COMMD10: variants seen among roughly 807,000 people sequenced by gnomAD.
The protein encoded by COMMD10 is COMM domain containing 10.
COMMD10 carries 33 observed loss-of-function variants against 28.9 expected under a neutral mutation model. The ratio of observed to expected loss-of-function variants is 1.14; its 90% CI spans 0.87 to 1.53. The LOEUF (loss-of-function observed/expected upper bound fraction) is 1.53, where lower values mean the gene tolerates loss of function less well. Among genes scored for constraint, COMMD10 ranks in the 40% most tolerant of loss-of-function variants. The pLI, the probability that COMMD10 is intolerant of heterozygous loss-of-function variation, is 0.00. For synonymous variants in COMMD10, 110 were observed against 81.7 expected, an observed-to-expected ratio of 1.35 and a Z score of -1.87; for missense variants, 310 against 233.4, an observed-to-expected ratio of 1.33 and a Z score of -2.14.
chr5:116,249,019 G>T (rs1750038089), intron 5 of COMMD10, among the ~76,000 whole-genome samples: 1 of 151,874 alleles, frequency 6.6e-6, no homozygotes. Context: ...TGTGTTAAAT[G>T]TTAATGATAT....
intron 5 of COMMD10, among the ~76,000 whole-genome samples, chr5:116,232,700 C>G (rs1303188186): frequency 1.3e-5 from 2 of 152,068 alleles, no homozygotes; most frequent in African/African-American, 2.4e-5. Flanking sequence ...AAGACTCCGT[C>G]TCAAAAAATT....
At chr5:116,106,503 C>T (rs988385205) in intron 4 of COMMD10, among the ~76,000 whole-genome samples, 12 of 152,146 alleles carry the variant, frequency 7.9e-5, no homozygotes, top group African/African-American at 2.7e-4. Context: ...ATTAAGTCCA[C>T]TTGGTCCAGA....
intron 5 of COMMD10, among the ~76,000 whole-genome samples, chr5:116,264,511 G>A (rs1032826389): frequency 4.0e-5 from 6 of 151,700 alleles, no homozygotes; most frequent in Non-Finnish European, 2.9e-5. Flanking sequence ...ACAACTCTCA[G>A]TCTCCTCTGT....
chr5:116,256,553 C>T (rs532597030), intron 5 of COMMD10, among the ~76,000 whole-genome samples: 7 of 151,652 alleles, frequency 4.6e-5, no homozygotes, highest in East Asian at 1.9e-4. Flanking sequence ...TTCTCATCTC[C>T]GTCTTTGGCA....
rs889042381 is a variant in COMMD10 at position 116,203,065 on chromosome 5, A to C, written c.510+68887A>C. ...ATCCATCTTGAATTGATTTTTGTAT[A>C]AGGTGTAAGGAAGGGATCCAGTTTC... On this transcript the variant is annotated intron_variant, in intron 5 of 6. Transcript: ENST00000274458. 1.4e-4 allele frequency among the ~76,000 whole-genome samples: 21 copies of C among 152,092 alleles called. 1 individual carries two copies. Among genetic ancestry groups the C allele is most frequent in the Admixed American group, 4.6e-4 (7 of 15,266 alleles).
intron 5 of COMMD10, among the ~76,000 whole-genome samples, chr5:116,143,675 T>C (rs1025295835): frequency 2.6e-5 from 4 of 151,844 alleles, no homozygotes; most frequent in Admixed American, 6.6e-5. Flanking sequence ...ATGAATAATA[T>C]AAATATTTTG....
intron 5 of COMMD10, among the ~76,000 whole-genome samples, chr5:116,210,598 A>G (rs997813202): frequency 2.0e-5 from 3 of 152,106 alleles, no homozygotes; most frequent in African/African-American, 7.2e-5. Context: ...TCTAGTCAGC[A>G]TTTATGAATA....
chr5:116,167,537 T>A (rs1753167000), intron 5 of COMMD10, among the ~76,000 whole-genome samples: 1 of 151,970 alleles, frequency 6.6e-6, no homozygotes, highest in African/African-American at 2.4e-5. Context: ...CCAAGACACA[T>A]AATCATCAGA....
intron 5 of COMMD10, among the ~76,000 whole-genome samples, chr5:116,203,479 G>A (rs948778620): frequency 2.6e-5 from 4 of 151,970 alleles, no homozygotes; most frequent in African/African-American, 9.7e-5. Context: ...AATGTTAAGG[G>A]CAGCCAGAGA....
At chr5:116,273,286 C>G (rs1750806079) in intron 5 of COMMD10, among the ~76,000 whole-genome samples, 1 of 151,632 alleles carries the variant, frequency 6.6e-6, no homozygotes, top group African/African-American at 2.4e-5. Context: ...TTTGAAGAAC[C>G]CTCCTTGTAA....
At chr5:116,111,351 G>A (rs1473515944) in intron 4 of COMMD10, among the ~76,000 whole-genome samples, 1 of 150,980 alleles carries the variant, frequency 6.6e-6, no homozygotes, top group Middle Eastern at 3.4e-3. Flanking sequence ...TCCTTTAGAT[G>A]TATTGTTAGG....
intron 3 of COMMD10, 117 bp from the exon 4 acceptor site, chr5:116,092,428 G>C (rs192970063): frequency 1.1e-5 from 7 of 612,394 alleles, no homozygotes; most frequent in Non-Finnish European, 1.5e-5. Flanking sequence ...GTTGGTAATA[G>C]GACTATGAAG....
At chr5:116,139,233 C>CT (rs1340755571) in intron 5 of COMMD10, among the ~76,000 whole-genome samples, 3 of 151,700 alleles carry the variant, frequency 2.0e-5, no homozygotes, top group Non-Finnish European at 4.4e-5. Context: ...CTTTATTTGA[C>CT]TAAGTTGAAA....
chr5:116,151,406 A>G (rs146515904), intron 5 of COMMD10, among the ~76,000 whole-genome samples: 17,938 of 151,768 alleles, frequency 0.12, 1,571 homozygotes, highest in African/African-American at 0.24. Flanking sequence ...CTCTTTTTCT[A>G]TTGATTGGAA....
At position 116,174,438 on chromosome 5, in the gene COMMD10, A is replaced by G. The variant is rs146220807; in HGVS notation, c.510+40260A>G. Among the ~76,000 whole-genome samples the G allele has an allele frequency of 7.1e-3, 1,086 of 152,278 alleles. 16 individuals are homozygous for G. Among genetic ancestry groups the G allele is most frequent in the African/African-American group, 0.025 (1,041 of 41,564 alleles). ...TGGAGGATGTTGAGCAGAAACATAC[A>G]TGTTCTGAATTATAGTCTACAAGGA... On this transcript the variant is annotated intron_variant, in intron 5 of 6. Coordinates refer to ENST00000274458, the MANE Select transcript of COMMD10 (RefSeq NM_016144.4).
intron 5 of COMMD10, among the ~76,000 whole-genome samples, chr5:116,135,950 C>G (rs1449309129): frequency 6.6e-6 from 1 of 152,086 alleles, no homozygotes; most frequent in African/African-American, 2.4e-5. Context: ...TCTATCTACA[C>G]AATTTTTATG....
At chr5:116,276,451 G>A (rs532011395) in intron 5 of COMMD10, among the ~76,000 whole-genome samples, 12 of 151,686 alleles carry the variant, frequency 7.9e-5, no homozygotes, top group African/African-American at 2.4e-4. Flanking sequence ...TGCCAGGTTG[G>A]TCTCAAATTC....
chr5:116,234,299 G>T (rs1213147532), intron 5 of COMMD10, among the ~76,000 whole-genome samples: 2 of 152,018 alleles, frequency 1.3e-5, no homozygotes, highest in East Asian at 3.9e-4. Flanking sequence ...AATCAACTAG[G>T]GCAGCTTTGC....
At chr5:116,179,922 TAAAGG>T (rs1263351415) in intron 5 of COMMD10, among the ~76,000 whole-genome samples, 1 of 151,802 alleles carries the variant, frequency 6.6e-6, no homozygotes, top group East Asian at 1.9e-4. Context: ...CTATAGAAAA[TAAAGG>T]TAAGAAGAGT....
Sources: allele counts gnomAD v4.1 joint callset (sites outside exome capture counted in the v4.1 genomes callset), GRCh38; gene constraint gnomAD v4.1.1; transcripts MANE v1.5; gene names NCBI Gene and HGNC (gene_info 2026-07-23, HGNC 2026-07-21).